WWP1: variants seen among roughly 807,000 people sequenced by gnomAD.
The protein encoded by WWP1 is WW domain containing E3 ubiquitin protein ligase 1.
In WWP1, 49 loss-of-function variants were observed where a neutral mutation model predicts 130.6. The observed-to-expected ratio is 0.38, with a 90% CI of 0.30 to 0.48. The LOEUF (loss-of-function observed/expected upper bound fraction) is 0.48, where lower values mean the gene tolerates loss of function less well. Among genes scored for constraint, WWP1 ranks in the 20% least tolerant of loss-of-function variants. WWP1 has a pLI of 0.99. For synonymous variants in WWP1, 332 were observed against 367.8 expected, an observed-to-expected ratio of 0.90 and a Z score of 1.11; for missense variants, 809 against 1,100.6, an observed-to-expected ratio of 0.74 and a Z score of 3.75.
intron 2 of WWP1, among the ~76,000 whole-genome samples, chr8:86,370,833 A>G (rs1483898278): frequency 1.1e-5 from 1 of 89,622 alleles, no homozygotes; most frequent in South Asian, 4.0e-4. Context: ...TATTCATGGT[A>G]TTGCTTATAG....
At chr8:86,382,084 A>T (rs1393735515) in intron 5 of WWP1, among the ~76,000 whole-genome samples, 1 of 152,110 alleles carries the variant, frequency 6.6e-6, no homozygotes, top group Non-Finnish European at 1.5e-5. Context: ...AATTTTCTAT[A>T]ATTTTACTAT....
intron 4 of WWP1, 109 bp downstream of exon 4, chr8:86,380,973 G>A: frequency 7.7e-7 from 1 of 1,297,814 alleles, no homozygotes; most frequent in Non-Finnish European, 1.0e-6. Context: ...TTTTTTTAAA[G>A]TGTGGATCGA....
chr8:86,401,280 G>T (rs1386378564), intron 7 of WWP1, among the ~76,000 whole-genome samples: 1 of 151,774 alleles, frequency 6.6e-6, no homozygotes, highest in Non-Finnish European at 1.5e-5. Context: ...ATAGTTTCAG[G>T]CCAGGTACAA....
At chr8:86,393,021 T>C (rs566051636) in intron 5 of WWP1, among the ~76,000 whole-genome samples, 1 of 152,308 alleles carries the variant, frequency 6.6e-6, no homozygotes, top group East Asian at 1.9e-4. Context: ...GAAGTTTTAT[T>C]ATCAAAGCAT....
intron 14 of WWP1, among the ~76,000 whole-genome samples, chr8:86,435,073 G>A (rs1237529030): frequency 6.6e-6 from 1 of 152,178 alleles, no homozygotes; most frequent in African/African-American, 2.4e-5. Context: ...ATTTGTTTGG[G>A]TTTTAGGTTA....
chr8:86,396,316 G>T (rs922967932), intron 5 of WWP1, among the ~76,000 whole-genome samples: 1 of 152,048 alleles, frequency 6.6e-6, no homozygotes, highest in East Asian at 1.9e-4. Context: ...GGCCAGGATG[G>T]TCTTGATCTC....
chr8:86,393,409 G>A lies in WWP1; in HGVS notation c.335-4933G>A, dbSNP rs138999446. 2.3e-3 allele frequency among the ~76,000 whole-genome samples: 344 copies of A among 152,038 alleles called. 1 individual carries two copies. The highest frequency in any genetic ancestry group is 3.8e-3 in the Non-Finnish European group (256 of 67,966). On this transcript the variant is annotated intron_variant, in intron 5 of 24. Transcript: ENST00000517970. ...ACTGCAGGCACGTGCCACCATGCCT[G>A]GCTAATTTTTGTGTTCTTAGTAGAG... is the stretch of plus-strand genomic sequence containing the variant.
At chr8:86,384,236 T>A (rs762259112) in intron 5 of WWP1, among the ~76,000 whole-genome samples, 35 of 152,094 alleles carry the variant, frequency 2.3e-4, no homozygotes, top group Non-Finnish European at 4.3e-4. Flanking sequence ...GAGTAAAACT[T>A]CAACATACGA....
intron 18 of WWP1, among the ~76,000 whole-genome samples, chr8:86,445,976 C>CTTTTTTTTTTTTTT (rs56731329): frequency 4.7e-5 from 4 of 84,980 alleles, no homozygotes; most frequent in African/African-American, 8.6e-5. Flanking sequence ...CTTTTCTTTT[C>CTTTTTTTTTTTTTT]TTTTTTTTTT....
intron 22 of WWP1, among the ~76,000 whole-genome samples, chr8:86,459,112 C>G (rs978779172): frequency 6.8e-6 from 1 of 147,462 alleles, no homozygotes; most frequent in Non-Finnish European, 1.5e-5. Flanking sequence ...TCATTGCACC[C>G]TCTGCCTCCC....
intron 1 of WWP1, among the ~76,000 whole-genome samples, chr8:86,360,230 A>G (rs545311757): frequency 6.6e-6 from 1 of 152,218 alleles, no homozygotes; most frequent in Non-Finnish European, 1.5e-5. Context: ...TCATCTGAAA[A>G]TAAGTTTCTG....
chr8:86,384,767 G>A (rs923944231), intron 5 of WWP1, among the ~76,000 whole-genome samples: 2 of 152,128 alleles, frequency 1.3e-5, no homozygotes, highest in African/African-American at 4.8e-5. Context: ...GTGGGAGGCT[G>A]AGGCAGGTGG....
intron 5 of WWP1, among the ~76,000 whole-genome samples, chr8:86,391,565 G>A (rs1236386563): frequency 6.6e-6 from 1 of 152,076 alleles, no homozygotes; most frequent in Non-Finnish European, 1.5e-5. Context: ...ACTGTTTAGA[G>A]TAGTCAGAAC....
intron 10 of WWP1, among the ~76,000 whole-genome samples, chr8:86,426,214 TATAGTC>T (rs1360437005): frequency 6.6e-6 from 1 of 152,234 alleles, no homozygotes; most frequent in Non-Finnish European, 1.5e-5. Context: ...ATCATCAAGT[TATAGTC>T]ATTCATTTAG....
chr8:86,403,915 G>A (rs930840062), intron 8 of WWP1, among the ~76,000 whole-genome samples: 1 of 152,144 alleles, frequency 6.6e-6, no homozygotes, highest in Non-Finnish European at 1.5e-5. Flanking sequence ...TTTCTGGTAA[G>A]AACATTTGTC....
chr8:86,456,865 A>G (rs1380926979), intron 21 of WWP1, among the ~76,000 whole-genome samples: 1 of 151,986 alleles, frequency 6.6e-6, no homozygotes. Flanking sequence ...ATGTGTATAC[A>G]CTATATATCA....
At chr8:86,438,759 A>G (rs1810432617) in intron 17 of WWP1, 86 bp downstream of exon 17, 2 of 1,120,122 alleles carry the variant, frequency 1.8e-6, no homozygotes, top group African/African-American at 1.6e-5. Context: ...ATGTGAATAT[A>G]TTGTATTAAA....
At chr8:86,461,680 A>G (rs938204795) in intron 23 of WWP1, 94 bp from the exon 24 acceptor site, 2 of 985,194 alleles carry the variant, frequency 2.0e-6, no homozygotes, top group African/African-American at 3.3e-5. Context: ...TGTATCATTC[A>G]TATGACTGTG....
At chr8:86,360,068 CAAAAAA>C (rs751631392) in intron 1 of WWP1, among the ~76,000 whole-genome samples, 1 of 131,422 alleles carries the variant, frequency 7.6e-6, no homozygotes, top group South Asian at 2.4e-4. Context: ...AAACAAAAAA[CAAAAAA>C]AAAACACAAT....
Sources: gnomAD v4.1 joint callset for allele counts (sites outside exome capture counted in the v4.1 genomes callset) on GRCh38, gnomAD v4.1.1 for gene constraint, MANE v1.5 for transcripts, NCBI Gene and HGNC (gene_info 2026-07-23, HGNC 2026-07-21) for gene names.